The following TAFA2 variants were observed in gnomAD, a reference collection of about 807,000 sequenced individuals.
TAFA2 encodes chemokine-like protein TAFA-2.
TAFA2 carries 7 observed loss-of-function variants against 18.8 expected under a neutral mutation model. That is an observed-to-expected ratio of 0.37 (90% CI 0.21 to 0.70). The LOEUF (loss-of-function observed/expected upper bound fraction) is 0.70, where lower values mean the gene tolerates loss of function less well. Among genes scored for constraint, TAFA2 ranks in the 30% least tolerant of loss-of-function variants. TAFA2 has a pLI of 0.53. For missense variants in TAFA2, 122 were observed against 158.1 expected (o/e 0.77, Z 1.23); for synonymous variants, 60 against 54.2 (o/e 1.11, Z -0.47).
In TAFA2 at chr12:61,709,143, A is replaced by G. The variant is rs1822767563; in HGVS notation, c.*1263T>C. 6.6e-6 allele frequency: 1 copy of G among 152,528 alleles called. No individual in the cohort carries two copies. Among genetic ancestry groups the G allele is most frequent in the African/African-American group, 2.4e-5 (1 of 41,438 alleles). The allele number at this position is 152,528 out of a possible 1,614,324, so 9.4% of individuals were successfully genotyped here. On this transcript the variant is annotated 3_prime_UTR_variant, in exon 5 of 5. Coordinates refer to ENST00000416284, the MANE Select transcript of TAFA2 (RefSeq NM_178539.5). ...ACAAATGAAACAAAATAAATGTAGT[A>G]CAAAATTATACATTCTATAACTTAG...
At chr12:62,109,293 T>C (rs1357551929) in intron 1 of TAFA2, among the ~76,000 whole-genome samples, 1 of 152,192 alleles carries the variant, frequency 6.6e-6, no homozygotes, top group Non-Finnish European at 1.5e-5. Flanking sequence ...TCGTTGTAGA[T>C]GTGTAGCATT....
At position 62,229,647 on chromosome 12, in the gene TAFA2, A is replaced by T. The variant is rs1201512197; in HGVS notation, c.-130+29116T>A. Reference sequence around the variant, plus strand: ...GTTCAGGATTTCTACATCTATGTCCATCAGGAACACTTGCCTGTATTTTCT... The same window carrying T: ...GTTCAGGATTTCTACATCTATGTCCTTCAGGAACACTTGCCTGTATTTTCT... On this transcript the variant is annotated intron_variant, in intron 1 of 5. Transcript: ENST00000551619. 3.3e-5 allele frequency among the ~76,000 whole-genome samples: 5 copies of T among 151,628 alleles called. 1 individual carries two copies. Among genetic ancestry groups the T allele is most frequent in the Non-Finnish European group, 7.4e-5 (5 of 67,910 alleles).
intron 1 of TAFA2, among the ~76,000 whole-genome samples, chr12:62,176,072 T>C (rs1158071350): frequency 1.3e-5 from 2 of 152,162 alleles, no homozygotes; most frequent in East Asian, 3.8e-4. Context: ...AAATCCACTA[T>C]TACAATACCA....
intron 1 of TAFA2, among the ~76,000 whole-genome samples, chr12:61,999,476 C>A (rs7316605): frequency 3.9e-4 from 59 of 152,220 alleles, no homozygotes; most frequent in Admixed American, 3.4e-3. Flanking sequence ...TATGTGGATA[C>A]GGCTTCCTAA....
chr12:62,189,940 T>TTGTGTGTGTGTGTGTGTG (rs10643306), intron 1 of TAFA2, among the ~76,000 whole-genome samples: 24 of 142,022 alleles, frequency 1.7e-4, no homozygotes, highest in South Asian at 4.6e-4. Context: ...TGAGTTTGCT[T>TTGTGTGTGTGTGTGTGTG]TGTGTGTGTG....
intron 1 of TAFA2, among the ~76,000 whole-genome samples, chr12:62,236,252 GTTTTTTTTCTT>G (rs147728050): frequency 0.19 from 24,963 of 134,788 alleles, 2,269 homozygotes; most frequent in East Asian, 0.34. Context: ...GCCTTCAAAT[GTTTTTTTTCTT>G]TTTTTTTTCT....
chr12:62,161,512 A>T (rs2062406787), intron 1 of TAFA2, among the ~76,000 whole-genome samples: 2 of 152,176 alleles, frequency 1.3e-5, no homozygotes, highest in South Asian at 4.1e-4. Context: ...ACACATGGAC[A>T]TAGAGAGTGG....
chr12:61,785,319 T>TTGTGTGTGTGTGTGTGTGTGTGTG (rs57166010), intron 2 of TAFA2, among the ~76,000 whole-genome samples: 1 of 140,082 alleles, frequency 7.1e-6, no homozygotes, highest in African/African-American at 2.7e-5. Flanking sequence ...AATAGTATTC[T>TTGTGTGTGTGTGTGTGTGTGTGTG]TGTGTGTGTG....
At chr12:61,820,951 A>G (rs1422807867) in intron 2 of TAFA2, among the ~76,000 whole-genome samples, 2 of 152,112 alleles carry the variant, frequency 1.3e-5, no homozygotes, top group Non-Finnish European at 1.5e-5. Flanking sequence ...TAATCAATGG[A>G]CAGATGTATT....
At chr12:62,236,410 GC>G (rs1389299260) in intron 1 of TAFA2, among the ~76,000 whole-genome samples, 3 of 151,934 alleles carry the variant, frequency 2.0e-5, no homozygotes, top group Admixed American at 2.0e-4. Flanking sequence ...GACTACAGGT[GC>G]CTGCCACCAT....
At chr12:62,206,933 T>C (rs1425342631) in intron 1 of TAFA2, 1 of 152,240 alleles carries the variant, frequency 6.6e-6, no homozygotes, top group African/African-American at 2.4e-5. Context: ...ATGTTATAAA[T>C]GGCTCCTCAA....
At chr12:62,152,005 A>G (rs1035000860) in intron 1 of TAFA2, among the ~76,000 whole-genome samples, 8 of 152,212 alleles carry the variant, frequency 5.3e-5, no homozygotes, top group Non-Finnish European at 1.2e-4. Flanking sequence ...TATTTTCAAT[A>G]AAGTGGACAT....
At chr12:61,953,212 A>C (rs1250278723) in intron 1 of TAFA2, among the ~76,000 whole-genome samples, 1 of 152,130 alleles carries the variant, frequency 6.6e-6, no homozygotes, top group Admixed American at 6.6e-5. Context: ...CAAAGAAAAA[A>C]ACTGACACTC....
At chr12:62,137,271 G>A (rs1478534658) in intron 1 of TAFA2, among the ~76,000 whole-genome samples, 1 of 152,062 alleles carries the variant, frequency 6.6e-6, no homozygotes, top group East Asian at 1.9e-4. Flanking sequence ...AGCTAATGAG[G>A]AATTGAAGGA....
chr12:61,903,690 A>G (rs1876214157), intron 1 of TAFA2, among the ~76,000 whole-genome samples: 2 of 152,320 alleles, frequency 1.3e-5, no homozygotes, highest in Middle Eastern at 3.4e-3. Context: ...TATTGGATAA[A>G]TTGCTTGATT....
intron 4 of TAFA2, among the ~76,000 whole-genome samples, chr12:61,734,446 A>T (rs1868270627): frequency 6.6e-6 from 1 of 151,452 alleles, no homozygotes; most frequent in Admixed American, 6.6e-5. Flanking sequence ...GCACACCAGC[A>T]TGGCACATGT....
chr12:62,233,066 C>CTTTT (rs34781688), intron 1 of TAFA2, among the ~76,000 whole-genome samples: 1,190 of 39,630 alleles, frequency 0.03, 335 homozygotes, highest in African/African-American at 0.035. Context: ...TTCTGCATCT[C>CTTTT]TTTTTTTTTT....
At chr12:62,076,078 T>C (rs771187691) in intron 1 of TAFA2, among the ~76,000 whole-genome samples, 8 of 152,318 alleles carry the variant, frequency 5.3e-5, no homozygotes, top group African/African-American at 9.6e-5. Flanking sequence ...TGTGACAATA[T>C]CTTTAACCTT....
intron 1 of TAFA2, among the ~76,000 whole-genome samples, chr12:62,132,959 G>C (rs757940790): frequency 6.6e-6 from 1 of 151,846 alleles, no homozygotes; most frequent in Non-Finnish European, 1.5e-5. Flanking sequence ...TGTGTTGTCA[G>C]TACAACATTT....
Sources: allele counts gnomAD v4.1 joint callset (sites outside exome capture counted in the v4.1 genomes callset), GRCh38; gene constraint gnomAD v4.1.1; transcripts MANE v1.5; gene names NCBI Gene and HGNC (gene_info 2026-07-23, HGNC 2026-07-21).